The following NRDE2 variants were observed in gnomAD, a reference collection of about 807,000 sequenced individuals.
NRDE2 encodes the protein NRDE-2, necessary for RNA interference, domain containing, also known as nuclear exosome regulator NRDE2.
Under a neutral mutation model 124.2 loss-of-function variants are expected in NRDE2, and 76 were observed. That is an observed-to-expected ratio of 0.61 (90% confidence interval 0.51 to 0.74). NRDE2 has a LOEUF of 0.74. NRDE2 is among the 30% of genes least tolerant of loss of function. NRDE2 has a pLI of 0.00. For missense variants in NRDE2, 1,314 were observed against 1,417.3 expected, an observed-to-expected ratio of 0.93 and a Z score of 1.17; for synonymous variants, 489 against 528.1, an observed-to-expected ratio of 0.93 and a Z score of 1.01.
intron 1 of NRDE2, among the ~76,000 whole-genome samples, chr14:90,327,960 G>C (rs1885505371): frequency 6.6e-6 from 1 of 152,124 alleles, no homozygotes; most frequent in Non-Finnish European, 1.5e-5. Flanking sequence ...TGGCTAACAT[G>C]GTGAAACCCC....
At chr14:90,321,198 G>A (rs545988226) in intron 1 of NRDE2, among the ~76,000 whole-genome samples, 1 of 152,142 alleles carries the variant, frequency 6.6e-6, no homozygotes, top group Non-Finnish European at 1.5e-5. Flanking sequence ...AACATACAGT[G>A]TGTGACTCTT....
At chr14:90,301,716 G>T in intron 6 of NRDE2, 1 of 454,696 alleles carries the variant, frequency 2.2e-6, no homozygotes, top group South Asian at 1.6e-5. Context: ...TGGCGTAGCA[G>T]ATTTTTATCA....
At position 90,303,942 on chromosome 14, in the gene NRDE2, G is replaced by C. The variant is rs1884500126; in HGVS notation, c.998C>G (p.Ala333Gly). 3 of 1,602,474 alleles carry C rather than the reference G, an allele frequency of 1.9e-6. No individual in the cohort carries two copies. Among genetic ancestry groups the C allele is most frequent in the Non-Finnish European group, 2.6e-6 (3 of 1,172,644 alleles). The change falls in exon 5 of 14, where the codon GCT becomes GGT. Residue 333 changes from alanine to glycine, a missense_variant. Physicochemically the swap from Ala to Gly is moderately conservative, Grantham distance 60. Coordinates refer to ENST00000354366, the MANE Select transcript of NRDE2 (RefSeq NM_017970.4). ...RDTQLWMAFV[A>G]FQDEVMKSPG... ...TGGGATGGCAACACATACCTGAAAAGCAACAAATGCCATCCACAGCTGCGT... is the reference window on the plus strand; with the variant it reads ...TGGGATGGCAACACATACCTGAAAACCAACAAATGCCATCCACAGCTGCGT...
chr14:90,285,235 C>A (rs1595055799), intron 12 of NRDE2, among the ~76,000 whole-genome samples: 2 of 144,582 alleles, frequency 1.4e-5, no homozygotes, highest in African/African-American at 5.2e-5. Context: ...CCCACTACTG[C>A]ACTCCAGCCT....
rs1361536831 is a variant in NRDE2, at chr14:90,272,093, C to T, written c.*6243G>A. The T allele has an allele frequency of 8.4e-6, 4 of 475,324 alleles. No homozygotes were observed. Among genetic ancestry groups the T allele is most frequent in the South Asian group, 2.4e-5 (1 of 42,494 alleles). The allele number at this position is 475,324 out of a possible 1,614,324, so 29.4% of individuals were successfully genotyped here. A position where few individuals can be genotyped will look rare whatever the true frequency, so the allele number is the denominator to read the frequency against. On this transcript the variant is annotated 3_prime_UTR_variant, in exon 14 of 14. Transcript: ENST00000354366. This position sits in a 1 kb window ranked among gnomAD's most constrained non-coding sequence, Gnocchi z 4.5. The stretch of plus-strand genomic sequence containing the variant: ...ATTTTTAGTAGAGATGGGGTTTCAC[C>T]GTGTTGGCCAGGCTGGTCTTGAACT...
At chr14:90,283,304 A>G (rs759524728) in intron 12 of NRDE2, among the ~76,000 whole-genome samples, 2 of 152,212 alleles carry the variant, frequency 1.3e-5, no homozygotes, top group Non-Finnish European at 2.9e-5. Flanking sequence ...TTCAAAGCCA[A>G]TAAGCACTTT....
chr14:90,278,216 T>C lies in NRDE2; in HGVS notation c.*120A>G. ...AGGCTGGCAGCCCACATTATTACTA[T>C]CGAGAAAGAACATTTCAAAAGCCGA... is the stretch of plus-strand genomic sequence containing the variant. On this transcript the variant is annotated 3_prime_UTR_variant, in exon 14 of 14. Transcript: ENST00000354366. The C allele has an allele frequency of 8.2e-7, 1 of 1,214,442 alleles. No homozygotes were observed. Among genetic ancestry groups the C allele is most frequent in the Non-Finnish European group, 1.2e-6 (1 of 855,884 alleles). The allele number at this position is 1,214,442 out of a possible 1,614,324, so 75.2% of individuals were successfully genotyped here.
chr14:90,298,276 C>T lies in NRDE2; in HGVS notation c.1650G>A (p.Trp550Ter), dbSNP rs779791343. The T allele has an allele frequency of 6.2e-7, 1 of 1,613,600 alleles. No individual in the cohort carries two copies. The highest frequency in any genetic ancestry group is 8.5e-7 in the Non-Finnish European group (1 of 1,179,946). The change falls in exon 8 of 14, where the codon TGG (tryptophan) becomes TGA (stop). Residue 550 changes from tryptophan to a stop codon, truncating the protein, a stop_gained. Coordinates refer to ENST00000354366, the MANE Select transcript of NRDE2 (RefSeq NM_017970.4). LOFTEE classifies it high-confidence loss of function. ...GTGACTTACCTGGGTTGATGACCACCCAGCCACCTCGTTCCTGCTGGTGCA... is the reference window on the plus strand; with the variant it reads ...GTGACTTACCTGGGTTGATGACCACTCAGCCACCTCGTTCCTGCTGGTGCA... Reference protein sequence around the residue: ...AWMHQQERGGWVVINPDEDDD... With the variant: ...AWMHQQERGG
intron 4 of NRDE2, among the ~76,000 whole-genome samples, chr14:90,309,045 A>G (rs1235047528): frequency 6.6e-6 from 1 of 152,036 alleles, no homozygotes; most frequent in Non-Finnish European, 1.5e-5. Flanking sequence ...GATTGAGAAC[A>G]TCCTGGCTAA....
intron 13 of NRDE2, 177 bp from the exon 14 acceptor site, chr14:90,278,638 G>A (rs1891866892): frequency 2.9e-6 from 2 of 693,018 alleles, no homozygotes; most frequent in African/African-American, 3.6e-5. Context: ...GTTCAGGAAG[G>A]ACACTGAACT....
At chr14:90,305,797 A>G (rs1330101299) in intron 4 of NRDE2, among the ~76,000 whole-genome samples, 2 of 152,260 alleles carry the variant, frequency 1.3e-5, no homozygotes, top group African/African-American at 4.8e-5. Context: ...CTTACCAGAA[A>G]AGAGCACGAG....
chr14:90,306,342 C>A (rs1254788761), intron 4 of NRDE2, among the ~76,000 whole-genome samples: 1 of 152,214 alleles, frequency 6.6e-6, no homozygotes, highest in African/African-American at 2.4e-5. Context: ...TCCTCACTGA[C>A]CAAACACAGC....
chr14:90,286,775 G>A (rs1391675217), intron 11 of NRDE2, among the ~76,000 whole-genome samples: 4 of 151,994 alleles, frequency 2.6e-5, no homozygotes, highest in Non-Finnish European at 4.4e-5. Flanking sequence ...TTTGCTGGGC[G>A]CAATGGCTCA....
Position 90,270,486 on chromosome 14 carries a change from A to G in NRDE2, c.*7850T>C. ...ATTTTAATCATCATATTGGTTTACG[A>G]TTACATCCAAATGGTATATGTGCTT... is the stretch of plus-strand genomic sequence containing the variant. On this transcript the variant is annotated 3_prime_UTR_variant, in exon 14 of 14. Transcript: ENST00000354366. 1 of 989,374 alleles carries G rather than the reference A, an allele frequency of 1.0e-6. No individual in the cohort carries two copies. Among genetic ancestry groups the G allele is most frequent in the South Asian group, 2.0e-5 (1 of 51,132 alleles). 61.3% of individuals were successfully genotyped at this position (989,374 alleles called of 1,614,324 possible). A position where few individuals can be genotyped will look rare whatever the true frequency, so the allele number is the denominator to read the frequency against.
At chr14:90,319,505 C>T (rs1262054255) in intron 1 of NRDE2, among the ~76,000 whole-genome samples, 4 of 152,116 alleles carry the variant, frequency 2.6e-5, no homozygotes, top group Admixed American at 6.5e-5. Context: ...TTCCCTGCCC[C>T]GCCCACCTCA....
At chr14:90,297,289 G>C (rs917552942) in intron 8 of NRDE2, among the ~76,000 whole-genome samples, 42 of 151,826 alleles carry the variant, frequency 2.8e-4, no homozygotes, top group African/African-American at 9.2e-4. Flanking sequence ...CATGCAATTG[G>C]CATCTGAATC....
chr14:90,310,082 G>A (rs574376658), intron 4 of NRDE2, among the ~76,000 whole-genome samples: 112 of 152,250 alleles, frequency 7.4e-4, no homozygotes, highest in African/African-American at 2.3e-3. Context: ...ATACTTGAGC[G>A]CAAGGCATGG....
At chr14:90,298,152 T>C in intron 8 of NRDE2, 108 bp downstream of exon 8, 5 of 1,195,318 alleles carry the variant, frequency 4.2e-6, no homozygotes, top group Non-Finnish European at 4.8e-6. Flanking sequence ...GTTTGTGCAA[T>C]ATTCTGAAGC....
rs1233114122 is a variant in NRDE2 at position 90,275,756 on chromosome 14, C to G, written c.*2580G>C. On this transcript the variant is annotated 3_prime_UTR_variant, in exon 14 of 14. Transcript: ENST00000354366. The stretch of plus-strand genomic sequence containing the variant: ...GCACTGGTGAGCCGGACAGGGAGAA[C>G]CCCGTCTGCCTGCGGAAAACCCACT... 1 of 152,240 alleles carries G rather than the reference C, an allele frequency of 6.6e-6. No homozygotes were observed. The highest frequency in any genetic ancestry group is 2.4e-5 in the African/African-American group (1 of 41,448). 9.4% of individuals were successfully genotyped at this position (152,240 alleles called of 1,614,324 possible).
Sources: gnomAD v4.1 joint callset for allele counts (sites outside exome capture counted in the v4.1 genomes callset) on GRCh38, gnomAD v4.1.1 for gene constraint, Gnocchi (gnomAD v3.1) non-coding constraint, MANE v1.5 for transcripts, NCBI Gene and HGNC (gene_info 2026-07-23, HGNC 2026-07-21) for gene names.